The following KCND3 variants were observed in gnomAD, a reference collection of about 807,000 sequenced individuals.
KCND3 encodes potassium voltage-gated channel subfamily D member 3.
Under a neutral mutation model 51.1 loss-of-function variants are expected in KCND3, and 9 were observed. The ratio of observed to expected loss-of-function variants is 0.18; its 90% CI spans 0.11 to 0.31. KCND3 has a LOEUF of 0.31. Among genes scored for constraint, KCND3 ranks in the 10% least tolerant of loss-of-function variants. KCND3 has a pLI of 1.00. For synonymous variants in KCND3, 349 were observed against 368.0 expected (o/e 0.95, Z 0.59); for missense variants, 526 against 903.8 (o/e 0.58, Z 5.36).
chr1:111,953,525 C>A (rs1251322224), intron 2 of KCND3, among the ~76,000 whole-genome samples: 1 of 152,130 alleles, frequency 6.6e-6, no homozygotes, highest in Admixed American at 6.5e-5. Flanking sequence ...TTCTTGTGAA[C>A]CTGGTTTGGA....
At chr1:111,854,705 A>G (rs1457935203) in intron 2 of KCND3, among the ~76,000 whole-genome samples, 2 of 152,132 alleles carry the variant, frequency 1.3e-5, no homozygotes, top group African/African-American at 4.8e-5. Flanking sequence ...AATATCTCCC[A>G]CATTTGCAAA....
At chr1:111,792,413 C>G (rs1386297210) in intron 2 of KCND3, among the ~76,000 whole-genome samples, 1 of 152,178 alleles carries the variant, frequency 6.6e-6, no homozygotes, top group Non-Finnish European at 1.5e-5. Flanking sequence ...TCATATCCTG[C>G]TCCTCCCAGG....
At chr1:111,835,740 G>C (rs1667037971) in intron 2 of KCND3, among the ~76,000 whole-genome samples, 1 of 152,198 alleles carries the variant, frequency 6.6e-6, no homozygotes, top group Non-Finnish European at 1.5e-5. Flanking sequence ...CCTTTTCCCA[G>C]AAAACTTATG....
chr1:111,778,370 G>A, intron 6 of KCND3, 66 bp downstream of exon 6: 1 of 1,468,912 alleles, frequency 6.8e-7, no homozygotes, highest in Non-Finnish European at 9.5e-7. Context: ...GGGTAAAAAG[G>A]GGAGAATCCA....
At chr1:111,850,649 G>C (rs1308824698) in intron 2 of KCND3, among the ~76,000 whole-genome samples, 1 of 152,198 alleles carries the variant, frequency 6.6e-6, no homozygotes, top group African/African-American at 2.4e-5. Context: ...TTCTGACATG[G>C]CTGGTCCGGC....
intron 2 of KCND3, among the ~76,000 whole-genome samples, chr1:111,925,118 A>G (rs1671644002): frequency 6.6e-6 from 1 of 152,230 alleles, no homozygotes; most frequent in South Asian, 2.1e-4. Flanking sequence ...ACAAAGAAGA[A>G]GCTGGCTGGC....
Position 111,880,959 on chromosome 1 carries a change from C to A in KCND3, c.1107-93853G>T, listed in dbSNP as rs556352550. On this transcript the variant is annotated intron_variant, in intron 2 of 7. Coordinates refer to ENST00000302127, the MANE Select transcript of KCND3 (RefSeq NM_001378969.1). ...AGCCTCGGTCTGCCTTGGCCCTTGGCTCCCACATCCTCTGTCACACTTCCC... is the reference window on the plus strand; with the variant it reads ...AGCCTCGGTCTGCCTTGGCCCTTGGATCCCACATCCTCTGTCACACTTCCC... Among the ~76,000 whole-genome samples the A allele has an allele frequency of 9.2e-5, 14 of 152,304 alleles. No homozygotes were observed. In the East Asian group the frequency reaches 2.7e-3, roughly 29 times the overall value.
At chr1:111,878,013 A>G (rs1390842023) in intron 2 of KCND3, among the ~76,000 whole-genome samples, 3 of 152,086 alleles carry the variant, frequency 2.0e-5, no homozygotes, top group Admixed American at 6.5e-5. Flanking sequence ...TATTATTCTC[A>G]TTTTTCCAAA....
intron 2 of KCND3, among the ~76,000 whole-genome samples, chr1:111,929,364 G>A (rs571966817): frequency 3.9e-5 from 6 of 152,296 alleles, no homozygotes; most frequent in African/African-American, 1.4e-4. Context: ...GCCATGGAGG[G>A]TGGTAGGTAC....
intron 2 of KCND3, among the ~76,000 whole-genome samples, chr1:111,851,914 C>G (rs185497648): frequency 6.6e-6 from 1 of 152,218 alleles, no homozygotes; most frequent in African/African-American, 2.4e-5. Context: ...ATGTTTACCA[C>G]GACAGCCAGC....
chr1:111,829,200 G>A (rs556593562), intron 2 of KCND3, among the ~76,000 whole-genome samples: 24 of 152,324 alleles, frequency 1.6e-4, no homozygotes, highest in African/African-American at 5.8e-4. Flanking sequence ...CTGTGTGGTT[G>A]TGCGGTTGCA....
intron 2 of KCND3, among the ~76,000 whole-genome samples, chr1:111,977,583 C>T (rs563539893): frequency 8.5e-5 from 13 of 152,286 alleles, no homozygotes; most frequent in Non-Finnish European, 1.3e-4. Context: ...TCATCGGGAT[C>T]GGACACTGCT....
chr1:111,965,654 C>G (rs1377652474), intron 2 of KCND3, among the ~76,000 whole-genome samples: 1 of 152,104 alleles, frequency 6.6e-6, no homozygotes, highest in Non-Finnish European at 1.5e-5. Flanking sequence ...ATTGATGATC[C>G]CCTTGCAGCC....
intron 2 of KCND3, among the ~76,000 whole-genome samples, chr1:111,879,436 A>G (rs866667453): frequency 2.0e-5 from 3 of 152,206 alleles, no homozygotes; most frequent in Admixed American, 6.5e-5. Flanking sequence ...GAAACTCAGC[A>G]TGAAGGCACT....
intron 2 of KCND3, among the ~76,000 whole-genome samples, chr1:111,879,724 A>G (rs932115570): frequency 3.3e-5 from 5 of 152,226 alleles, no homozygotes; most frequent in Non-Finnish European, 7.3e-5. Context: ...GGAGGGTACC[A>G]CTATGAGTGT....
At chr1:111,932,251 G>A (rs533356622) in intron 2 of KCND3, among the ~76,000 whole-genome samples, 1 of 152,272 alleles carries the variant, frequency 6.6e-6, no homozygotes, top group African/African-American at 2.4e-5. Context: ...TGTCAGAAAA[G>A]GTAACATATC....
chr1:111,925,865 T>A (rs2920585), intron 2 of KCND3, among the ~76,000 whole-genome samples: 52,585 of 151,848 alleles, frequency 0.35, 9,958 homozygotes, highest in African/African-American at 0.5. Context: ...TTCCAGGGAC[T>A]GTGCACAGGG....
At chr1:111,933,384 C>T (rs1672069233) in intron 2 of KCND3, among the ~76,000 whole-genome samples, 1 of 152,230 alleles carries the variant, frequency 6.6e-6, no homozygotes, top group South Asian at 2.1e-4. Flanking sequence ...CAGCCCCAGT[C>T]ACTTAGTAAG....
At position 111,815,589 on chromosome 1, in the gene KCND3, C is replaced by T. The variant is rs769621708; in HGVS notation, c.1107-28483G>A. Among the ~76,000 whole-genome samples the T allele has an allele frequency of 3.5e-4, 53 of 150,826 alleles. 1 individual carries two copies. Among genetic ancestry groups the T allele is most frequent in the South Asian group, 2.8e-3 (13 of 4,694 alleles). ...CCTGTTAGGTTGGTTTAGCCAGAAT[C>T]CCCCTTACCTGTGATGTTTTCTCTT... On this transcript the variant is annotated intron_variant, in intron 2 of 7. Coordinates refer to ENST00000302127, the MANE Select transcript of KCND3 (RefSeq NM_001378969.1).
Sources: gnomAD v4.1 joint callset for allele counts (sites outside exome capture counted in the v4.1 genomes callset) on GRCh38, gnomAD v4.1.1 for gene constraint, MANE v1.5 for transcripts, NCBI Gene and HGNC (gene_info 2026-07-23, HGNC 2026-07-21) for gene names.